CYB5D2: variants seen among roughly 807,000 people sequenced by gnomAD.
The protein encoded by CYB5D2 is cytochrome b5 domain containing 2, also known as neuferricin.
In CYB5D2, 23 loss-of-function variants were observed where a neutral mutation model predicts 22.8. The ratio of observed to expected loss-of-function variants is 1.01; its 90% CI spans 0.73 to 1.43. The LOEUF (loss-of-function observed/expected upper bound fraction) is 1.43. Among genes scored for constraint, CYB5D2 ranks in the 40% most tolerant of loss-of-function variants. The pLI is 0.00. For synonymous variants in CYB5D2, 170 were observed against 152.2 expected (o/e 1.12, Z -0.86); for missense variants, 373 against 357.2 (o/e 1.04, Z -0.36).
Position 4,157,091 on chromosome 17 carries a change from C to T in CYB5D2, c.*9C>T, listed in dbSNP as rs746007480. 1.1e-5 allele frequency: 18 copies of T among 1,611,836 alleles called. No homozygotes were observed. Among genetic ancestry groups the T allele is most frequent in the Non-Finnish European group, 1.4e-5 (17 of 1,179,876 alleles). ...GCTCCTTTCCACTCTAAGCCGTAGC[C>T]TCTTCTGTTAATAACACACAGAGAG... On this transcript the variant is annotated 3_prime_UTR_variant, in exon 4 of 4. Transcript: ENST00000301391. This position sits in a 1 kb window ranked among gnomAD's most constrained non-coding sequence, Gnocchi z 4.4.
At chr17:4,151,201 T>C (rs963850496) in intron 2 of CYB5D2, among the ~76,000 whole-genome samples, 3 of 152,176 alleles carry the variant, frequency 2.0e-5, no homozygotes, top group Non-Finnish European at 4.4e-5. Context: ...TGTGGGCCTC[T>C]GCAGCACGCC....
At position 4,157,259 on chromosome 17, in the gene CYB5D2, C is replaced by T. The variant is rs906321790; in HGVS notation, c.*177C>T. The T allele has an allele frequency of 2.8e-6, 2 of 720,410 alleles. No homozygotes were observed. Among genetic ancestry groups the T allele is most frequent in the African/African-American group, 3.6e-5 (2 of 56,252 alleles). 44.6% of individuals were successfully genotyped at this position (720,410 alleles called of 1,614,324 possible). On this transcript the variant is annotated 3_prime_UTR_variant, in exon 4 of 4. Transcript: ENST00000301391. This position sits in a 1 kb window ranked among gnomAD's most constrained non-coding sequence, Gnocchi z 4.4. ...TTACCGTGGCTCGGCGTTGTGGTGCCTGAGGGACAGCCGGCCACCTGCCCA... is the reference window on the plus strand; with the variant it reads ...TTACCGTGGCTCGGCGTTGTGGTGCTTGAGGGACAGCCGGCCACCTGCCCA...
chr17:4,146,880 G>A (rs184845743), intron 1 of CYB5D2, among the ~76,000 whole-genome samples: 10 of 152,076 alleles, frequency 6.6e-5, no homozygotes, highest in East Asian at 1.9e-4. Context: ...GGAGTCATAC[G>A]TGTGGCCTTT....
At chr17:4,145,749 T>C (rs2058983213) in intron 1 of CYB5D2, among the ~76,000 whole-genome samples, 1 of 152,212 alleles carries the variant, frequency 6.6e-6, no homozygotes, top group African/African-American at 2.4e-5. Flanking sequence ...TATTTCTCAT[T>C]GAGATGTAAT....
At chr17:4,153,944 C>G (rs2059085139) in intron 2 of CYB5D2, among the ~76,000 whole-genome samples, 1 of 152,216 alleles carries the variant, frequency 6.6e-6, no homozygotes, top group Admixed American at 6.5e-5. Context: ...AGGGGTTGCT[C>G]CCTCTTCGGT....
At chr17:4,154,561 A>G (rs1371577265) in intron 2 of CYB5D2, 113 bp from the exon 3 acceptor site, 2 of 1,253,672 alleles carry the variant, frequency 1.6e-6, no homozygotes, top group African/African-American at 3.0e-5. Flanking sequence ...AGTTCTTATT[A>G]AACGCGCACC....
chr17:4,151,316 TCTTCC>T (rs2059055364), intron 2 of CYB5D2, among the ~76,000 whole-genome samples: 1 of 152,166 alleles, frequency 6.6e-6, no homozygotes, highest in Non-Finnish European at 1.5e-5. Flanking sequence ...AGGGCTGGGT[TCTTCC>T]CTTTCCCAAT....
At chr17:4,153,324 CGGTGCGAA>C (rs57797774) in intron 2 of CYB5D2, among the ~76,000 whole-genome samples, 5,617 of 150,900 alleles carry the variant, frequency 0.037, 350 homozygotes, top group African/African-American at 0.13. Flanking sequence ...CAGGGAAGAG[CGGTGCGAA>C]GGTGGGGAGT....
chr17:4,148,739 G>A (rs571869997), intron 1 of CYB5D2, among the ~76,000 whole-genome samples: 5 of 152,190 alleles, frequency 3.3e-5, no homozygotes, highest in African/African-American at 1.2e-4. Flanking sequence ...CAGGCAAATC[G>A]CTTGAACCCG....
chr17:4,144,150 T>C (rs2058946101), intron 1 of CYB5D2, 145 bp downstream of exon 1: 1 of 1,161,880 alleles, frequency 8.6e-7, no homozygotes, highest in South Asian at 1.6e-5. Flanking sequence ...CGGGACGAGC[T>C]GCATGCACTA....
At position 4,156,931 on chromosome 17, in the gene CYB5D2, C is replaced by A; in HGVS notation, c.644C>A (p.Pro215His). 3.1e-6 allele frequency: 5 copies of A among 1,612,762 alleles called. No individual in the cohort carries two copies. The highest frequency in any genetic ancestry group is 4.2e-6 in the Non-Finnish European group (5 of 1,180,026). The change falls in exon 4 of 4, where the codon CCC becomes CAC. Residue 215 changes from proline (P) to histidine (H), a missense_variant. Transcript: ENST00000301391. Reference sequence around the variant, plus strand: ...CTGTATAAGCCAGGTGCTAAGGAGCCCCGCTGCGTGTGTGTGAGAACCACC... The same window carrying A: ...CTGTATAAGCCAGGTGCTAAGGAGCACCGCTGCGTGTGTGTGAGAACCACC... ...RKLYKPGAKE[P>H]RCVCVRTTGP...
chr17:4,151,699 A>G (rs1050879317), intron 2 of CYB5D2, among the ~76,000 whole-genome samples: 1 of 151,684 alleles, frequency 6.6e-6, no homozygotes, highest in East Asian at 1.9e-4. Flanking sequence ...AAAAAAAGAA[A>G]AAAAAGAAAA....
chr17:4,152,333 G>A (rs1336246172), intron 2 of CYB5D2, among the ~76,000 whole-genome samples: 1 of 152,156 alleles, frequency 6.6e-6, no homozygotes, highest in Non-Finnish European at 1.5e-5. Context: ...GGCCATGTTA[G>A]GCTCTTTCAG....
At chr17:4,152,005 C>CAA (rs112798736) in intron 2 of CYB5D2, among the ~76,000 whole-genome samples, 140 of 88,810 alleles carry the variant, frequency 1.6e-3, no homozygotes, top group African/African-American at 5.2e-3. Context: ...GACCCTGTCT[C>CAA]AAAAAAAAAA....
chr17:4,150,057 T>A, intron 2 of CYB5D2, 26 bp downstream of exon 2: 1 of 1,612,778 alleles, frequency 6.2e-7, no homozygotes, highest in Non-Finnish European at 8.5e-7. Context: ...GTCATACATT[T>A]CATTTGGTTG....
rs755118905 is a variant in CYB5D2, at chr17:4,149,999, T to C, written c.359T>C (p.Leu120Pro). Residue 120 changes from leucine (L) to proline (P), a missense_variant, in exon 2 of 4, where the codon CTT becomes CCT. Leu to Pro is a moderately conservative substitution (Grantham distance 98, BLOSUM62 -3). Coordinates refer to ENST00000301391, the MANE Select transcript of CYB5D2 (RefSeq NM_144611.4). Reference sequence around the variant, plus strand: ...GAGATGCTGACACTTCACAATTGGCTTTCATTCTATGAGAAGAATTATGTG... The same window carrying C: ...GAGATGCTGACACTTCACAATTGGCCTTCATTCTATGAGAAGAATTATGTG... ...AAEMLTLHNW[L>P]SFYEKNYVCV... 1 of 1,614,148 alleles carries C rather than the reference T, an allele frequency of 6.2e-7. No individual in the cohort carries two copies. Among genetic ancestry groups the C allele is most frequent in the South Asian group, 1.1e-5 (1 of 91,080 alleles).
At chr17:4,153,400 G>GA (rs1186798805) in intron 2 of CYB5D2, among the ~76,000 whole-genome samples, 3 of 152,174 alleles carry the variant, frequency 2.0e-5, no homozygotes, top group South Asian at 4.1e-4. Flanking sequence ...CCCCGTGAAC[G>GA]AGGGGGGACG....
Position 4,143,681 on chromosome 17 carries a change from G to C in CYB5D2, c.-75G>C. 6.6e-7 allele frequency: 1 copy of C among 1,521,176 alleles called. No homozygotes were observed. The highest frequency in any genetic ancestry group is 8.8e-7 in the Non-Finnish European group (1 of 1,134,108). 94.2% of individuals were successfully genotyped at this position (1,521,176 alleles called of 1,614,324 possible). A position where few individuals can be genotyped will look rare whatever the true frequency, so the allele number is the denominator to read the frequency against. On this transcript the variant is annotated 5_prime_UTR_variant, in exon 1 of 4. Transcript: ENST00000301391. ...AGAGCGCGCGCGCCGATGACGTCAC[G>C]CTCGGCGTCTCGGCCATCTTAGCTG...
Position 4,155,478 on chromosome 17 carries a change from G to A in CYB5D2, c.578+618G>A, listed in dbSNP as rs138254253. 6.6e-5 allele frequency among the ~76,000 whole-genome samples: 10 copies of A among 152,220 alleles called. No homozygotes were observed. The East Asian group carries it at 1.9e-3, about 29-fold the overall frequency. On this transcript the variant is annotated intron_variant, in intron 3 of 3. Transcript: ENST00000301391. ...AAACAAAAAAAACCACTGCAAATTC[G>A]GAGTTCTCAGCCTTAAATGAGCGGA...
Sources: allele counts gnomAD v4.1 joint callset (sites outside exome capture counted in the v4.1 genomes callset), GRCh38; gene constraint gnomAD v4.1.1; non-coding constraint Gnocchi (gnomAD v3.1); transcripts MANE v1.5; gene names NCBI Gene and HGNC (gene_info 2026-07-23, HGNC 2026-07-21).